The following DVL1 variants were observed in gnomAD, a reference collection of about 807,000 sequenced individuals.
DVL1 encodes segment polarity protein dishevelled homolog DVL-1.
A neutral mutation model predicts 65.0 loss-of-function variants in DVL1; 49 were observed. The ratio of observed to expected loss-of-function variants is 0.75; its 90% confidence interval spans 0.60 to 0.96. DVL1 has a LOEUF of 0.96. Among genes scored for constraint, DVL1 ranks in the 40% least tolerant of loss-of-function variants. DVL1 has a pLI of 0.00. For missense variants in DVL1, 1,197 were observed against 1,045.4 expected (o/e 1.15, Z -2.00); for synonymous variants, 608 against 433.9 (o/e 1.40, Z -4.99).
In DVL1 at chr1:1,342,347, C is replaced by T; in HGVS notation, c.362+16G>A. ...AGGCTTGGGGTAGCAGGGCCCAGCG[C>T]CCACGGTGTCCTTACTGGAAGGAGG... On this transcript the variant is annotated intron_variant, in intron 3 of 14. Transcript: ENST00000378888. 1 of 1,560,590 alleles carries T rather than the reference C, an allele frequency of 6.4e-7. No homozygotes were observed. Among genetic ancestry groups the T allele is most frequent in the Non-Finnish European group, 8.7e-7 (1 of 1,155,336 alleles).
chr1:1,343,971 A>C (rs1307813884), intron 1 of DVL1, among the ~76,000 whole-genome samples: 1 of 152,122 alleles, frequency 6.6e-6, no homozygotes, highest in East Asian at 1.9e-4. Context: ...CAGGCCGCAG[A>C]GGGTCAGGGG....
At chr1:1,337,633 C>T (rs1182091306) in intron 14 of DVL1, 8 of 463,072 alleles carry the variant, frequency 1.7e-5, no homozygotes, top group Non-Finnish European at 3.2e-5. Context: ...GCACAGCCGC[C>T]CAGGCCGCCA....
At chr1:1,345,156 G>A (rs1263087309) in intron 1 of DVL1, among the ~76,000 whole-genome samples, 1 of 151,954 alleles carries the variant, frequency 6.6e-6, no homozygotes, top group African/African-American at 2.4e-5. Flanking sequence ...CCCAGCCAGG[G>A]CCTCACGAAG....
At chr1:1,348,450 C>T (rs1417843900) in intron 1 of DVL1, among the ~76,000 whole-genome samples, 1 of 152,216 alleles carries the variant, frequency 6.6e-6, no homozygotes, top group East Asian at 1.9e-4. Flanking sequence ...TGTCTTGACC[C>T]TCGGGAAGCT....
In DVL1 at chr1:1,339,683, A is replaced by G. The variant is rs763913520; in HGVS notation, c.987-34T>C. Reference sequence around the variant, plus strand: ...ACGGTGGTCACACAGCAAGGCCCCCATGGTCCCACCTCCCTGCCTGGCCCC... The same window carrying G: ...ACGGTGGTCACACAGCAAGGCCCCCGTGGTCCCACCTCCCTGCCTGGCCCC... On this transcript the variant is annotated intron_variant, in intron 9 of 14. Coordinates refer to ENST00000378888, the MANE Select transcript of DVL1 (RefSeq NM_001330311.2). 21 of 1,612,166 alleles carry G rather than the reference A, an allele frequency of 1.3e-5. No individual in the cohort carries two copies. The Admixed American group carries it at 2.8e-4, about 22-fold the overall frequency.
Position 1,337,924 on chromosome 1 carries a change from G to T in DVL1, c.1714+53C>A, listed in dbSNP as rs777752538. On this transcript the variant is annotated intron_variant, in intron 14 of 14. Coordinates refer to ENST00000378888, the MANE Select transcript of DVL1 (RefSeq NM_001330311.2). Reference sequence around the variant, plus strand: ...CTGGGGGCGGAGCAGCAGTGGAGTGGGGCGGAGCTGGGGGCGGAGCCGGGG... The same window carrying T: ...CTGGGGGCGGAGCAGCAGTGGAGTGTGGCGGAGCTGGGGGCGGAGCCGGGG... 1.1e-5 allele frequency: 16 copies of T among 1,441,158 alleles called. No homozygotes were observed. The East Asian group carries it at 3.0e-4, about 27-fold the overall frequency. 89.3% of individuals were successfully genotyped at this position (1,441,158 alleles called of 1,614,324 possible).
intron 1 of DVL1, among the ~76,000 whole-genome samples, chr1:1,343,014 G>C (rs990196749): frequency 6.6e-6 from 1 of 150,728 alleles, no homozygotes; most frequent in African/African-American, 2.5e-5. Flanking sequence ...CTTCCTCTCC[G>C]TCACATCCTG....
Position 1,335,964 on chromosome 1 carries a change from G to A in DVL1, c.*178C>T. The A allele has an allele frequency of 1.2e-6, 1 of 814,092 alleles. No homozygotes were observed. Among genetic ancestry groups the A allele is most frequent in the South Asian group, 1.8e-5 (1 of 55,832 alleles). The allele number at this position is 814,092 out of a possible 1,614,324, so 50.4% of individuals were successfully genotyped here. On this transcript the variant is annotated 3_prime_UTR_variant, in exon 15 of 15. Coordinates refer to ENST00000378888, the MANE Select transcript of DVL1 (RefSeq NM_001330311.2). ...GGAGCGCCCCCAACACGGCTGCTCA[G>A]ACACAGGTGCTGTCAGGAGCTGGAG...
chr1:1,337,072 C>T lies in DVL1; in HGVS notation c.1715-557G>A, dbSNP rs188906135. 4.4e-4 allele frequency: 432 copies of T among 988,364 alleles called. 1 individual carries two copies. In the African/African-American group the frequency reaches 6.6e-3, roughly 15 times the overall value. The allele number at this position is 988,364 out of a possible 1,614,324, so 61.2% of individuals were successfully genotyped here. A position where few individuals can be genotyped will look rare whatever the true frequency, so the allele number is the denominator to read the frequency against. On this transcript the variant is annotated intron_variant, in intron 14 of 14. Coordinates refer to ENST00000378888, the MANE Select transcript of DVL1 (RefSeq NM_001330311.2). ...AGTCTAAGGCTTGTTTAGCACAAGA[C>T]AAGGGATAGCACGAGTTACACGCCC...
Position 1,339,609 on chromosome 1 carries a change from G to A in DVL1, c.1027C>T (p.Pro343Ser), listed in dbSNP as rs889149726. 2.0e-5 allele frequency: 32 copies of A among 1,607,544 alleles called. No individual in the cohort carries two copies. In the Admixed American group the frequency reaches 4.3e-4, roughly 22 times the overall value. ...CGTGGGACGGTGAAGTAGCTTCGGG[G>A]CGTTGGGTCCCAGCACTTGGCCACA... ...LTVAKCWDPT[P>S]RSYFTVPRAD... The change falls in exon 10 of 15, where the codon CCC (proline) becomes TCC (serine). Residue 343 changes from proline (P) to serine (S), a missense_variant. Transcript: ENST00000378888.
In DVL1 at chr1:1,339,364, T is replaced by G. The variant is rs748535372; in HGVS notation, c.1130A>C (p.Tyr377Ser). The change falls in exon 11 of 15, where the codon TAC (tyrosine) becomes TCC (serine). Residue 377 changes from tyrosine (Y) to serine (S), a missense_variant. Coordinates refer to ENST00000378888, the MANE Select transcript of DVL1 (RefSeq NM_001330311.2). Reference sequence around the variant, plus strand: ...GGCGCTGGAGCAGGGACTCGTACCGTAGCGGGGCAGGGCTCCTGTCAGTGC... The same window carrying G: ...GGCGCTGGAGCAGGGACTCGTACCGGAGCGGGGCAGGGCTCCTGTCAGTGC... ...TAALTGALPR[Y>S]GTSPCSSAVT... is the part of the protein sequence containing the mutation. 1 of 1,548,780 alleles carries G rather than the reference T, an allele frequency of 6.5e-7. No homozygotes were observed. The highest frequency in any genetic ancestry group is 1.2e-5 in the South Asian group (1 of 83,988).
At chr1:1,337,083 A>T (rs1643602732) in intron 14 of DVL1, 4 of 988,100 alleles carry the variant, frequency 4.0e-6, no homozygotes, top group Non-Finnish European at 4.8e-6. Context: ...AAGGGATAGC[A>T]CGAGTTACAC....
chr1:1,349,164 A>C lies in DVL1; in HGVS notation c.-99T>G, dbSNP rs1247631893. Reference sequence around the variant, plus strand: ...CCCGCCTGCGCCCCGCCCGGCCCGCACCGCTCTCGGCCCCGACGCTCCGAG... The same window carrying C: ...CCCGCCTGCGCCCCGCCCGGCCCGCCCCGCTCTCGGCCCCGACGCTCCGAG... On this transcript the variant is annotated 5_prime_UTR_variant, in exon 1 of 15. Transcript: ENST00000378888. This position sits in a 1 kb window ranked among gnomAD's most constrained non-coding sequence, Gnocchi z 4.1. 6.9e-6 allele frequency: 5 copies of C among 725,718 alleles called. No homozygotes were observed. The highest frequency in any genetic ancestry group is 8.3e-6 in the Non-Finnish European group (5 of 605,508). The allele number at this position is 725,718 out of a possible 1,614,324, so 45.0% of individuals were successfully genotyped here. A position where few individuals can be genotyped will look rare whatever the true frequency, so the allele number is the denominator to read the frequency against.
Position 1,338,452 on chromosome 1 carries a change from G to T in DVL1, c.1340-16C>A, listed in dbSNP as rs773730913. The stretch of plus-strand genomic sequence containing the variant: ...ACGTCCGCCCCTGGCCGGCACCAGC[G>T]GTCAGCCCGCAGCCTCGAGGCAAGC... On this transcript the variant is annotated splice_polypyrimidine_tract_variant and intron_variant, in intron 12 of 14. Transcript: ENST00000378888. 6.2e-7 allele frequency: 1 copy of T among 1,608,716 alleles called. No individual in the cohort carries two copies. The highest frequency in any genetic ancestry group is 2.2e-5 in the East Asian group (1 of 44,762).
Position 1,338,604 on chromosome 1 carries a change from G to A in DVL1, c.1257C>T (p.Val419=). The A allele has an allele frequency of 6.2e-7, 1 of 1,612,178 alleles. No homozygotes were observed. The highest frequency in any genetic ancestry group is 8.5e-7 in the Non-Finnish European group (1 of 1,179,862). The change falls in exon 12 of 15, where the codon GTC becomes GTT. Residue 419 remains valine, a synonymous_variant. Transcript: ENST00000378888. ...LTVKSDMSAV[V]RVMQLPDSGL... ...CCGAGTCTGGCAGCTGCATGACCCG[G>A]ACGACGGCGCTCATGTCACTCTTCA... is the stretch of plus-strand genomic sequence containing the variant.
In DVL1 at chr1:1,338,547, C is replaced by T; in HGVS notation, c.1314G>A (p.Lys438=). 6.2e-7 allele frequency: 1 copy of T among 1,612,642 alleles called. No individual in the cohort carries two copies. The highest frequency in any genetic ancestry group is 8.5e-7 in the Non-Finnish European group (1 of 1,179,866). ...CGATGACGGCATTGGCGATGGTGAT[C>T]TTGAGCCACATGCGGTCGCGGATCT... ...GLEIRDRMWL[K]ITIANAVIGA... Residue 438 remains lysine (K), a synonymous_variant, in exon 12 of 15, where the codon AAG becomes AAA. Coordinates refer to ENST00000378888, the MANE Select transcript of DVL1 (RefSeq NM_001330311.2).
chr1:1,340,580 G>C, intron 5 of DVL1, 77 bp from the exon 6 acceptor site: 1 of 1,464,094 alleles, frequency 6.8e-7, no homozygotes, highest in Non-Finnish European at 9.3e-7. Context: ...CCAATACTGA[G>C]TGGGAATCGG....
chr1:1,337,751 C>T (rs1336051018), intron 14 of DVL1: 2 of 699,152 alleles, frequency 2.9e-6, no homozygotes, highest in Non-Finnish European at 5.2e-6. Context: ...CTCCTGGATC[C>T]CCCTGGCACT....
At chr1:1,342,032 G>C (rs1352529119) in intron 4 of DVL1, 21 bp downstream of exon 4, 2 of 1,546,206 alleles carry the variant, frequency 1.3e-6, no homozygotes, top group Non-Finnish European at 1.8e-6. Context: ...GTCCACAGCT[G>C]GGCAGACATG....
Sources: allele counts gnomAD v4.1 joint callset (sites outside exome capture counted in the v4.1 genomes callset), GRCh38; gene constraint gnomAD v4.1.1; non-coding constraint Gnocchi (gnomAD v3.1); transcripts MANE v1.5; gene names NCBI Gene and HGNC (gene_info 2026-07-23, HGNC 2026-07-21).